ZNF804B: variants seen among roughly 807,000 people sequenced by gnomAD.
ZNF804B encodes zinc finger protein 804B.
A neutral mutation model predicts 101.4 loss-of-function variants in ZNF804B; 80 were observed. That is an observed-to-expected ratio of 0.79 (90% CI 0.66 to 0.95). The LOEUF is 0.95. ZNF804B is among the 40% of genes least tolerant of loss of function. The pLI, the probability that ZNF804B is intolerant of heterozygous loss-of-function variation, is 0.00. For synonymous variants in ZNF804B, 622 were observed against 558.8 expected (o/e 1.11, Z -1.59); for missense variants, 1,673 against 1,561.9 (o/e 1.07, Z -1.20).
intron 1 of ZNF804B, among the ~76,000 whole-genome samples, chr7:88,863,455 A>T (rs1192207053): frequency 1.3e-5 from 2 of 152,214 alleles, no homozygotes; most frequent in African/African-American, 4.8e-5. Flanking sequence ...CAGACACTGG[A>T]GTTACATGGT....
intron 1 of ZNF804B, among the ~76,000 whole-genome samples, chr7:89,157,416 CAT>C (rs1243259075): frequency 2.0e-5 from 3 of 152,086 alleles, no homozygotes; most frequent in Admixed American, 6.6e-5. Flanking sequence ...AGTTGTAAAA[CAT>C]GTACTAGGAC....
intron 1 of ZNF804B, among the ~76,000 whole-genome samples, chr7:89,216,502 T>G (rs1788899395): frequency 6.6e-6 from 1 of 152,156 alleles, no homozygotes; most frequent in South Asian, 2.1e-4. Context: ...CAGTCTCCAT[T>G]CTCATTACTG....
intron 1 of ZNF804B, among the ~76,000 whole-genome samples, chr7:88,978,277 T>C (rs944932413): frequency 4.6e-5 from 7 of 151,860 alleles, no homozygotes; most frequent in Non-Finnish European, 8.8e-5. Flanking sequence ...GTTTTCTTTG[T>C]TGATTTTCTG....
At chr7:88,800,717 T>A (rs1170188409) in intron 1 of ZNF804B, among the ~76,000 whole-genome samples, 1 of 151,404 alleles carries the variant, frequency 6.6e-6, no homozygotes, top group Non-Finnish European at 1.5e-5. Context: ...TGTGTGTGTG[T>A]GTGTGTGTGT....
chr7:88,762,700 CTT>C (rs5885636), intron 1 of ZNF804B, among the ~76,000 whole-genome samples: 1,950 of 142,140 alleles, frequency 0.014, 35 homozygotes, highest in East Asian at 0.044. Flanking sequence ...GCTACTCTGA[CTT>C]TTTTTTTTTT....
chr7:89,135,605 CT>C (rs1313903295), intron 1 of ZNF804B, among the ~76,000 whole-genome samples: 1 of 149,022 alleles, frequency 6.7e-6, no homozygotes, highest in Non-Finnish European at 1.5e-5. Flanking sequence ...TGTGTACATA[CT>C]CTTACATCTT....
In ZNF804B at chr7:89,302,779, T is replaced by G. The variant is rs1790495505; in HGVS notation, c.250-24565T>G. 5.9e-5 allele frequency among the ~76,000 whole-genome samples: 9 copies of G among 151,898 alleles called. No individual in the cohort carries two copies. In the Admixed American group the frequency reaches 5.9e-4, roughly 10 times the overall value. ...CTTTGTAAGAGGCCACATGCCTATC[T>G]CCATTCCCTTCAAGCACTGTAGCTG... On this transcript the variant is annotated intron_variant, in intron 2 of 3. Coordinates refer to ENST00000333190, the MANE Select transcript of ZNF804B (RefSeq NM_181646.5).
chr7:89,023,474 T>C (rs1479761909), intron 1 of ZNF804B, among the ~76,000 whole-genome samples: 1 of 152,226 alleles, frequency 6.6e-6, no homozygotes, highest in African/African-American at 2.4e-5. Context: ...AATAAGATGA[T>C]ACATGAAGTT....
intron 1 of ZNF804B, among the ~76,000 whole-genome samples, chr7:89,159,851 G>C (rs1791032703): frequency 6.6e-6 from 1 of 152,184 alleles, no homozygotes; most frequent in East Asian, 1.9e-4. Flanking sequence ...CAATTTAGGG[G>C]ATATAAAATA....
At chr7:89,277,220 C>G (rs1407595506) in intron 2 of ZNF804B, among the ~76,000 whole-genome samples, 2 of 149,872 alleles carry the variant, frequency 1.3e-5, no homozygotes, top group African/African-American at 4.9e-5. Context: ...AAATGCAGAG[C>G]TAATGCACCA....
intron 2 of ZNF804B, among the ~76,000 whole-genome samples, chr7:89,226,466 A>G (rs1584068473): frequency 6.6e-6 from 1 of 152,198 alleles, no homozygotes; most frequent in Non-Finnish European, 1.5e-5. Flanking sequence ...AATTCTTAAA[A>G]GTTATTATTA....
intron 1 of ZNF804B, among the ~76,000 whole-genome samples, chr7:89,184,846 G>A (rs1788353396): frequency 1.3e-5 from 2 of 150,488 alleles, no homozygotes; most frequent in Admixed American, 6.7e-5. Context: ...TGTACATTTT[G>A]ACAAAAACGT....
intron 1 of ZNF804B, among the ~76,000 whole-genome samples, chr7:89,104,608 A>T: frequency 6.6e-6 from 1 of 151,928 alleles, no homozygotes; most frequent in South Asian, 2.1e-4. Flanking sequence ...TTCTGTTGGG[A>T]CAAGTCCCAT....
chr7:88,822,280 C>G (rs929420754), intron 1 of ZNF804B, among the ~76,000 whole-genome samples: 4 of 152,070 alleles, frequency 2.6e-5, no homozygotes, highest in African/African-American at 9.7e-5. Flanking sequence ...TTTATGGGAA[C>G]TAAAAACATG....
At chr7:89,105,692 G>A (rs919364122) in intron 1 of ZNF804B, among the ~76,000 whole-genome samples, 1 of 152,088 alleles carries the variant, frequency 6.6e-6, no homozygotes, top group South Asian at 2.1e-4. Flanking sequence ...CAACACACAC[G>A]TGTTGGGTGT....
intron 2 of ZNF804B, among the ~76,000 whole-genome samples, chr7:89,261,680 C>T (rs533099325): frequency 6.6e-6 from 1 of 152,288 alleles, no homozygotes; most frequent in Admixed American, 6.5e-5. Flanking sequence ...TATCCCTAGG[C>T]TAAAAACCTG....
chr7:89,010,380 A>T (rs1272254809), intron 1 of ZNF804B, among the ~76,000 whole-genome samples: 1 of 152,146 alleles, frequency 6.6e-6, no homozygotes, highest in Admixed American at 6.5e-5. Flanking sequence ...AGTGGGGAAA[A>T]AAGTAACCCA....
intron 1 of ZNF804B, among the ~76,000 whole-genome samples, chr7:88,792,231 C>A (rs1386260243): frequency 6.6e-6 from 1 of 152,014 alleles, no homozygotes; most frequent in Admixed American, 6.6e-5. Flanking sequence ...TTAGAAGCCA[C>A]TACACAATGG....
rs546969970 is a variant in ZNF804B, at chr7:89,209,964, C to T, written c.109-8191C>T. Among the ~76,000 whole-genome samples, 2 of 152,094 alleles carry T rather than the reference C, an allele frequency of 1.3e-5. 1 individual carries two copies. The highest frequency in any genetic ancestry group is 4.8e-5 in the African/African-American group (2 of 41,500). ...AGGAGTTCTAGAACAGCCTGGTCAA[C>T]ATGGTGAAACCCCATCTCTACTAAA... is the stretch of plus-strand genomic sequence containing the variant. On this transcript the variant is annotated intron_variant, in intron 1 of 3. Coordinates refer to ENST00000333190, the MANE Select transcript of ZNF804B (RefSeq NM_181646.5).
Sources: gnomAD v4.1 joint callset for allele counts (sites outside exome capture counted in the v4.1 genomes callset) on GRCh38, gnomAD v4.1.1 for gene constraint, MANE v1.5 for transcripts, NCBI Gene and HGNC (gene_info 2026-07-23, HGNC 2026-07-21) for gene names.